MAGI1: variants seen among roughly 807,000 people sequenced by gnomAD.
MAGI1 encodes the protein membrane-associated guanylate kinase, WW and PDZ domain-containing protein 1.
MAGI1 carries 58 observed loss-of-function variants against 139.9 expected under a neutral mutation model. That is an observed-to-expected ratio of 0.41 (90% confidence interval 0.34 to 0.52). MAGI1 has a LOEUF of 0.52. MAGI1 is among the 20% of genes least tolerant of loss of function. The probability of loss-of-function intolerance (pLI) is 0.12; values close to 1 mark genes in which losing one functional copy is unlikely to be tolerated. For missense variants in MAGI1, 1,874 were observed against 1,901.6 expected, an observed-to-expected ratio of 0.99 and a Z score of 0.27; for synonymous variants, 812 against 737.9, an observed-to-expected ratio of 1.10 and a Z score of -1.63.
intron 2 of MAGI1, among the ~76,000 whole-genome samples, chr3:65,537,264 TC>T (rs2079002854): frequency 6.6e-6 from 1 of 152,120 alleles, no homozygotes; most frequent in Non-Finnish European, 1.5e-5. Flanking sequence ...GATCTTTCCT[TC>T]TTTCTCTGCC....
chr3:65,588,172 G>A (rs1042885657), intron 2 of MAGI1, among the ~76,000 whole-genome samples: 10 of 152,114 alleles, frequency 6.6e-5, no homozygotes, highest in Non-Finnish European at 1.3e-4. Context: ...CGATGAAAAC[G>A]GGAAGCTGCC....
At chr3:65,476,283 TC>T in intron 4 of MAGI1, among the ~76,000 whole-genome samples, 1 of 152,174 alleles carries the variant, frequency 6.6e-6, no homozygotes, top group East Asian at 1.9e-4. Context: ...CACGTGCATA[TC>T]TCAAGGCCAC....
rs116037132 is a variant in MAGI1 at position 66,001,486 on chromosome 3, A to G, written c.313+36510T>C. ...AAGAGTATCAGCCTCACAGGACTCA[A>G]TAAAAATCTAAAATGTAAACACTTG... is the stretch of plus-strand genomic sequence containing the variant. On this transcript the variant is annotated intron_variant, in intron 1 of 22. Transcript: ENST00000402939. Among the ~76,000 whole-genome samples, 357 of 152,310 alleles carry G rather than the reference A, an allele frequency of 2.3e-3. 1 individual carries two copies. The highest frequency in any genetic ancestry group is 3.6e-3 in the Non-Finnish European group (247 of 68,028).
At chr3:65,789,950 C>T (rs1217509274) in intron 1 of MAGI1, among the ~76,000 whole-genome samples, 2 of 152,212 alleles carry the variant, frequency 1.3e-5, no homozygotes, top group Non-Finnish European at 2.9e-5. Context: ...AGATAAAGCT[C>T]TTGCCCAGAG....
intron 1 of MAGI1, among the ~76,000 whole-genome samples, chr3:66,008,375 C>T (rs4688631): frequency 0.42 from 63,193 of 151,956 alleles, 15,303 homozygotes; most frequent in East Asian, 0.73. Flanking sequence ...TCTGGTGAAC[C>T]GAGAGATTTC....
At chr3:65,984,512 A>ATGTATGTGTGTGTGTG (rs1273114460) in intron 1 of MAGI1, among the ~76,000 whole-genome samples, 2 of 140,394 alleles carry the variant, frequency 1.4e-5, no homozygotes, top group African/African-American at 5.4e-5. Context: ...TCAAAATAAA[A>ATGTATGTGTGTGTGTG]TGTGTGTGTG....
chr3:65,919,679 TTC>T (rs10575249), intron 1 of MAGI1, among the ~76,000 whole-genome samples: 1,560 of 148,324 alleles, frequency 0.011, 11 homozygotes, highest in African/African-American at 0.024. Context: ...TTCTCTCTCC[TTC>T]TCTCTCTCTC....
intron 1 of MAGI1, among the ~76,000 whole-genome samples, chr3:65,928,907 T>C (rs955228786): frequency 6.6e-5 from 10 of 152,086 alleles, no homozygotes; most frequent in African/African-American, 2.4e-4. Flanking sequence ...TAATTAAAAA[T>C]GCAATTAGCA....
At chr3:65,797,076 G>T (rs1275283695) in intron 1 of MAGI1, among the ~76,000 whole-genome samples, 1 of 151,986 alleles carries the variant, frequency 6.6e-6, no homozygotes, top group African/African-American at 2.4e-5. Flanking sequence ...CATGAGTTCT[G>T]ATTATCTATT....
At chr3:65,624,611 A>C (rs57823528) in intron 1 of MAGI1, among the ~76,000 whole-genome samples, 5,103 of 152,308 alleles carry the variant, frequency 0.034, 129 homozygotes, top group African/African-American at 0.069. Context: ...GAGAGAAAAC[A>C]GTTCAGTTGT....
intron 1 of MAGI1, among the ~76,000 whole-genome samples, chr3:66,006,446 C>T (rs1056248154): frequency 2.0e-5 from 3 of 152,048 alleles, no homozygotes; most frequent in African/African-American, 7.3e-5. Flanking sequence ...TATAGGTATA[C>T]ATGTATATGT....
intron 1 of MAGI1, among the ~76,000 whole-genome samples, chr3:65,778,781 G>A (rs546080637): frequency 6.6e-6 from 1 of 152,294 alleles, no homozygotes; most frequent in South Asian, 2.1e-4. Flanking sequence ...CACTTTTAAT[G>A]ACTTTTAAAA....
chr3:65,873,282 G>C (rs942113762), intron 1 of MAGI1: 2 of 152,200 alleles, frequency 1.3e-5, no homozygotes, highest in African/African-American at 4.8e-5. Context: ...TACATCTGCT[G>C]CTCTCTGGAC....
intron 3 of MAGI1, among the ~76,000 whole-genome samples, chr3:65,489,284 T>A (rs1423010413): frequency 1.3e-5 from 2 of 152,144 alleles, no homozygotes; most frequent in Non-Finnish European, 2.9e-5. Flanking sequence ...CAAAGTCAGG[T>A]AGTTTTGGTC....
chr3:65,656,979 CAAAAAAA>C (rs58817001), intron 1 of MAGI1, among the ~76,000 whole-genome samples: 2 of 73,956 alleles, frequency 2.7e-5, no homozygotes, highest in African/African-American at 1.1e-4. Flanking sequence ...GACACCATCT[CAAAAAAA>C]AAAAAAAAAA....
chr3:65,831,524 A>C (rs1039666417), intron 1 of MAGI1, among the ~76,000 whole-genome samples: 5 of 152,196 alleles, frequency 3.3e-5, no homozygotes, highest in Non-Finnish European at 7.3e-5. Context: ...AGTACACAAA[A>C]CAGCACACTT....
chr3:65,491,841 A>T (rs1952058968), intron 3 of MAGI1, among the ~76,000 whole-genome samples: 1 of 152,030 alleles, frequency 6.6e-6, no homozygotes, highest in Non-Finnish European at 1.5e-5. Flanking sequence ...AAACAAACAA[A>T]AATTCCTGAT....
In MAGI1 at chr3:65,697,709, T is replaced by C. The variant is rs1277557736; in HGVS notation, c.314-75621A>G. ...CTAAAAACTCTCAATAAATTAGGTA[T>C]TGATGGGACATATCTCAAAATAATA... On this transcript the variant is annotated intron_variant, in intron 1 of 22. Coordinates refer to ENST00000402939, the MANE Select transcript of MAGI1 (RefSeq NM_001033057.2). Among the ~76,000 whole-genome samples the C allele has an allele frequency of 4.4e-5, 5 of 112,704 alleles. 1 individual carries two copies. The highest frequency in any genetic ancestry group is 5.4e-4 in the East Asian group (2 of 3,678). The allele number at this position is 112,704 out of a possible 152,430, so 73.9% of individuals were successfully genotyped here. A position where few individuals can be genotyped will look rare whatever the true frequency, so the allele number is the denominator to read the frequency against.
At chr3:65,665,753 C>T (rs1316817512) in intron 1 of MAGI1, among the ~76,000 whole-genome samples, 2 of 152,078 alleles carry the variant, frequency 1.3e-5, no homozygotes, top group African/African-American at 4.8e-5. Flanking sequence ...CTGGGCTTTC[C>T]CCTCAAAGTT....
Sources: gnomAD v4.1 joint callset for allele counts (sites outside exome capture counted in the v4.1 genomes callset) on GRCh38, gnomAD v4.1.1 for gene constraint, MANE v1.5 for transcripts, NCBI Gene and HGNC (gene_info 2026-07-23, HGNC 2026-07-21) for gene names.